NTRK2: variants seen among roughly 807,000 people sequenced by gnomAD.
The protein encoded by NTRK2 is BDNF/NT-3 growth factors receptor.
In NTRK2, 13 loss-of-function variants were observed where a neutral mutation model predicts 94.5. That is an observed-to-expected ratio of 0.14 (90% CI 0.09 to 0.22). The LOEUF is 0.22. NTRK2 is among the 10% of genes least tolerant of loss of function. The probability of loss-of-function intolerance (pLI) is 1.00; values close to 1 mark genes in which losing one functional copy is unlikely to be tolerated. For synonymous variants in NTRK2, 372 were observed against 407.4 expected (o/e 0.91, Z 1.05); for missense variants, 639 against 1,071.2 (o/e 0.60, Z 5.63).
At chr9:84,904,052 C>T (rs953809768) in intron 14 of NTRK2, among the ~76,000 whole-genome samples, 8 of 152,110 alleles carry the variant, frequency 5.3e-5, no homozygotes, top group African/African-American at 1.2e-4. Flanking sequence ...CTTTTAAATC[C>T]GAAGTTATTA....
intron 5 of NTRK2, 69 bp from the exon 6 acceptor site, chr9:84,710,568 T>C (rs2061365409): frequency 6.6e-7 from 1 of 1,521,940 alleles, no homozygotes; most frequent in Non-Finnish European, 9.1e-7. Context: ...TGTTGTAGTA[T>C]TTTACAAGCA....
chr9:84,827,728 A>C (rs1441877008), intron 12 of NTRK2, among the ~76,000 whole-genome samples: 1 of 151,698 alleles, frequency 6.6e-6, no homozygotes, highest in African/African-American at 2.4e-5. Context: ...ACTTCATTGC[A>C]AGCTGCCAAT....
chr9:84,876,760 A>C, intron 14 of NTRK2: 9 of 1,061,420 alleles, frequency 8.5e-6, no homozygotes, highest in Non-Finnish European at 1.0e-5. Flanking sequence ...TACAGAAACA[A>C]TTATCAATAC....
At chr9:84,877,221 G>T in intron 14 of NTRK2, 2 of 1,065,580 alleles carry the variant, frequency 1.9e-6, no homozygotes, top group Non-Finnish European at 2.3e-6. Context: ...CATCGGCATA[G>T]TTCTTGGCGT....
At chr9:84,833,320 C>A (rs925835247) in intron 12 of NTRK2, among the ~76,000 whole-genome samples, 6 of 152,156 alleles carry the variant, frequency 3.9e-5, no homozygotes, top group Admixed American at 1.3e-4. Context: ...GGCATGGGGT[C>A]TTGACAGCAG....
At chr9:84,889,328 C>T (rs1490347963) in intron 14 of NTRK2, among the ~76,000 whole-genome samples, 47 of 152,038 alleles carry the variant, frequency 3.1e-4, no homozygotes, top group Admixed American at 3.0e-3. Context: ...TCTTTAAAAA[C>T]GCTTTTAAAA....
At chr9:84,839,445 G>T (rs2074050267) in intron 12 of NTRK2, among the ~76,000 whole-genome samples, 1 of 152,154 alleles carries the variant, frequency 6.6e-6, no homozygotes, top group Non-Finnish European at 1.5e-5. Flanking sequence ...AAAACCAGAG[G>T]CTTCAAACTC....
intron 14 of NTRK2, among the ~76,000 whole-genome samples, chr9:84,894,026 G>C (rs2076676367): frequency 6.6e-6 from 1 of 151,970 alleles, no homozygotes; most frequent in East Asian, 1.9e-4. Flanking sequence ...TTCAATCCGG[G>C]GGGCGCGGAC....
chr9:85,022,275 T>C lies in NTRK2; in HGVS notation c.*838T>C. On this transcript the variant is annotated 3_prime_UTR_variant, in exon 19 of 19. Coordinates refer to ENST00000277120, the MANE Select transcript of NTRK2 (RefSeq NM_006180.6). The stretch of plus-strand genomic sequence containing the variant: ...TGGCCTCTGTGCCATGGATGATTCT[T>C]TTCCCATCACCAGAAATGATAGCGT... The C allele has an allele frequency of 4.3e-6, 1 of 233,228 alleles. No individual in the cohort carries two copies. The highest frequency in any genetic ancestry group is 8.5e-6 in the Non-Finnish European group (1 of 118,014). The allele number at this position is 233,228 out of a possible 1,614,324, so 14.4% of individuals were successfully genotyped here.
Position 85,026,056 on chromosome 9 carries a change from T to G in NTRK2, c.*4619T>G, listed in dbSNP as rs1833016920. 1.3e-5 allele frequency: 3 copies of G among 227,280 alleles called. No homozygotes were observed. The highest frequency in any genetic ancestry group is 2.6e-5 in the Non-Finnish European group (3 of 114,420). 14.1% of individuals were successfully genotyped at this position (227,280 alleles called of 1,614,324 possible). ...ATTTCCCCTCCTTTTCCTTTGACCTTTATTTATTTAATTATGTATTTATTT... is the reference window on the plus strand; with the variant it reads ...ATTTCCCCTCCTTTTCCTTTGACCTGTATTTATTTAATTATGTATTTATTT... On this transcript the variant is annotated 3_prime_UTR_variant, in exon 19 of 19. Transcript: ENST00000277120.
intron 2 of NTRK2, among the ~76,000 whole-genome samples, chr9:84,690,882 C>T (rs975216342): frequency 6.6e-6 from 1 of 151,984 alleles, no homozygotes; most frequent in African/African-American, 2.4e-5. Flanking sequence ...ATAGTGTCAG[C>T]ATATTGTACA....
chr9:84,869,742 CA>C, intron 14 of NTRK2, among the ~76,000 whole-genome samples: 1 of 152,060 alleles, frequency 6.6e-6, no homozygotes, highest in East Asian at 1.9e-4. Flanking sequence ...ATGTCGGCCA[CA>C]TGTTGACCAG....
Position 84,981,003 on chromosome 9 carries a change from T to C in NTRK2, c.2172+25486T>C, listed in dbSNP as rs184276947. Among the ~76,000 whole-genome samples the C allele has an allele frequency of 9.8e-5, 15 of 152,324 alleles. No individual in the cohort carries two copies. In the South Asian group the frequency reaches 1.9e-3, roughly 19 times the overall value. On this transcript the variant is annotated intron_variant, in intron 17 of 18. Coordinates refer to ENST00000277120, the MANE Select transcript of NTRK2 (RefSeq NM_006180.6). ...GGGCTGGAATAAACAGATGGCAAAA[T>C]CAACCAGATTTCCCAATTTTGGTAA...
intron 12 of NTRK2, among the ~76,000 whole-genome samples, chr9:84,830,829 T>C (rs2073498538): frequency 6.6e-6 from 1 of 152,222 alleles, no homozygotes; most frequent in Admixed American, 6.5e-5. Context: ...TTTTAAACAA[T>C]ATATGAATTA....
chr9:84,755,996 C>G (rs1044023758), intron 12 of NTRK2, among the ~76,000 whole-genome samples: 7 of 151,962 alleles, frequency 4.6e-5, no homozygotes, highest in African/African-American at 1.7e-4. Context: ...ATGTAGCTAC[C>G]ATAATTGCAG....
intron 5 of NTRK2, among the ~76,000 whole-genome samples, chr9:84,708,803 T>A (rs1346668389): frequency 6.6e-6 from 1 of 152,144 alleles, no homozygotes; most frequent in Non-Finnish European, 1.5e-5. Flanking sequence ...GTGTAATGGG[T>A]GTTATATGGT....
intron 2 of NTRK2, among the ~76,000 whole-genome samples, chr9:84,697,163 G>GTTGA (rs1247651813): frequency 6.6e-6 from 1 of 152,200 alleles, no homozygotes; most frequent in Non-Finnish European, 1.5e-5. Flanking sequence ...TTTAAGGGCC[G>GTTGA]CTGACTTGCC....
chr9:84,744,488 T>A (rs1272447079), intron 10 of NTRK2, among the ~76,000 whole-genome samples: 9 of 152,128 alleles, frequency 5.9e-5, no homozygotes, highest in African/African-American at 2.2e-4. Flanking sequence ...TGTTGCTCAT[T>A]TCAAATCTGG....
chr9:84,702,671 A>G (rs1313345393), intron 4 of NTRK2, among the ~76,000 whole-genome samples: 1 of 152,234 alleles, frequency 6.6e-6, no homozygotes, highest in Non-Finnish European at 1.5e-5. Flanking sequence ...GCAATAGGCT[A>G]GCAGCAAGGA....
Sources: gnomAD v4.1 joint callset for allele counts (sites outside exome capture counted in the v4.1 genomes callset) on GRCh38, gnomAD v4.1.1 for gene constraint, MANE v1.5 for transcripts, NCBI Gene and HGNC (gene_info 2026-07-23, HGNC 2026-07-21) for gene names.